Variants in ABCA10 observed in about 807,000 individuals in gnomAD.
The protein encoded by ABCA10 is ATP-binding cassette sub-family A member 10.
ABCA10 carries 169 observed loss-of-function variants against 187.5 expected under a neutral mutation model. The ratio of observed to expected loss-of-function variants is 0.90; its 90% CI spans 0.80 to 1.02. The LOEUF (loss-of-function observed/expected upper bound fraction) is 1.02, where lower values mean the gene tolerates loss of function less well. ABCA10 is among the 50% of genes least tolerant of loss of function. ABCA10 has a pLI of 0.00. For synonymous variants in ABCA10, 574 were observed against 601.8 expected (o/e 0.95, Z 0.68); for missense variants, 1,727 against 1,812.4 (o/e 0.95, Z 0.86).
At chr17:69,189,102 C>T (rs2074441985) in intron 18 of ABCA10, among the ~76,000 whole-genome samples, 1 of 152,174 alleles carries the variant, frequency 6.6e-6, no homozygotes, top group Admixed American at 6.6e-5. Flanking sequence ...TTTGAGAAAT[C>T]TCTAGACTGC....
chr17:69,221,327 C>T (rs2074746033), intron 5 of ABCA10, among the ~76,000 whole-genome samples: 1 of 152,140 alleles, frequency 6.6e-6, no homozygotes, highest in Admixed American at 6.5e-5. Flanking sequence ...CAAAGGAGGA[C>T]AACCCTTTCA....
chr17:69,183,505 A>T (rs1051687084), intron 20 of ABCA10, among the ~76,000 whole-genome samples: 2 of 152,168 alleles, frequency 1.3e-5, no homozygotes, highest in Non-Finnish European at 2.9e-5. Flanking sequence ...GGCGGCTTGC[A>T]GCTGCAGGCT....
chr17:69,237,265 T>C (rs377269169), intron 1 of ABCA10, among the ~76,000 whole-genome samples: 1 of 152,228 alleles, frequency 6.6e-6, no homozygotes. Context: ...ATGTATACTT[T>C]TGTACATTCC....
chr17:69,222,443 T>C (rs1489198516), intron 4 of ABCA10, 90 bp downstream of exon 4: 10 of 1,053,128 alleles, frequency 9.5e-6, no homozygotes, highest in Non-Finnish European at 1.2e-5. Flanking sequence ...AATTCTTTAC[T>C]TGGTTGTATT....
At position 69,152,426 on chromosome 17, in the gene ABCA10, G is replaced by T. The variant is rs373802436; in HGVS notation, c.4192C>A (p.His1398Asn). 1.2e-6 allele frequency: 2 copies of T among 1,614,024 alleles called. No homozygotes were observed. The highest frequency in any genetic ancestry group is 1.7e-6 in the Non-Finnish European group (2 of 1,179,938). The change falls in exon 35 of 39, where the codon CAT (histidine) becomes AAT (asparagine). Residue 1398 changes from histidine to asparagine, a missense_variant. Physicochemically the swap from His to Asn is moderately conservative, Grantham distance 68. Transcript: ENST00000690296. The stretch of plus-strand genomic sequence containing the variant: ...ACAGCCTCAGCCTCTGACATGTAAT[G>T]GGTGGTCAAGAGGGTGCCCCTCTCC... ...NKERGTLLTT[H>N]YMSEAEAVCD...
At chr17:69,201,789 TATAA>T in intron 9 of ABCA10, 121 bp from the exon 10 acceptor site, 1 of 918,578 alleles carries the variant, frequency 1.1e-6, no homozygotes, top group African/African-American at 1.7e-5. Context: ...CATTTATATT[TATAA>T]TTTTTTTTTT....
At chr17:69,210,290 C>T (rs1356025404) in intron 9 of ABCA10, among the ~76,000 whole-genome samples, 4 of 145,742 alleles carry the variant, frequency 2.7e-5, no homozygotes, top group South Asian at 2.2e-4. Flanking sequence ...CCCGGGTTCA[C>T]GCCATTCTCC....
At chr17:69,243,904 G>A (rs962816876) in intron 1 of ABCA10, among the ~76,000 whole-genome samples, 2 of 152,062 alleles carry the variant, frequency 1.3e-5, no homozygotes, top group African/African-American at 2.4e-5. Context: ...TCTCAAAAAC[G>A]AAAGAAACAC....
At chr17:69,151,218 G>C in intron 36 of ABCA10, among the ~76,000 whole-genome samples, 1 of 152,092 alleles carries the variant, frequency 6.6e-6, no homozygotes, top group East Asian at 1.9e-4. Flanking sequence ...CTTGACCTAA[G>C]TTCTTTAAAT....
chr17:69,235,389 G>A (rs2074861229), intron 1 of ABCA10, among the ~76,000 whole-genome samples: 1 of 152,172 alleles, frequency 6.6e-6, no homozygotes, highest in Non-Finnish European at 1.5e-5. Flanking sequence ...CCTTCTTTAA[G>A]TTTGTTGAAT....
rs2144844466 is a variant in ABCA10, at chr17:69,219,572, A to C, written c.503T>G (p.Val168Gly). 6.2e-7 allele frequency: 1 copy of C among 1,605,598 alleles called. No individual in the cohort carries two copies. Among genetic ancestry groups the C allele is most frequent in the Non-Finnish European group, 8.5e-7 (1 of 1,176,128 alleles). Reference protein sequence around the residue: ...ERGKFKKLMTVMGLRESAFWL... With the variant: ...ERGKFKKLMTGMGLRESAFWL... Reference sequence around the variant, plus strand: ...GAATGCTGACTCTCGGAGACCCATCACTGTCATCAGTTTCTTAAATTTTCC... The same window carrying C: ...GAATGCTGACTCTCGGAGACCCATCCCTGTCATCAGTTTCTTAAATTTTCC... Residue 168 changes from valine to glycine, a missense_variant, in exon 6 of 39, where the codon GTG (valine) becomes GGG (glycine). Transcript: ENST00000690296.
chr17:69,229,305 G>A (rs538464228), upstream of ABCA10, among the ~76,000 whole-genome samples: 1 of 152,136 alleles, frequency 6.6e-6, no homozygotes, highest in Admixed American at 6.6e-5. Flanking sequence ...CAACAGATGA[G>A]TCCAGAATAG....
At chr17:69,164,881 T>C (rs1334428932) in intron 26 of ABCA10, 83 bp downstream of exon 26, 3 of 1,448,924 alleles carry the variant, frequency 2.1e-6, no homozygotes, top group Non-Finnish European at 2.8e-6. Flanking sequence ...ATTTTATAAA[T>C]GCACCTGTTC....
intron 27 of ABCA10, among the ~76,000 whole-genome samples, chr17:69,163,704 A>T (rs2144765769): frequency 6.6e-6 from 1 of 152,254 alleles, no homozygotes; most frequent in Non-Finnish European, 1.5e-5. Flanking sequence ...CCCCACTATA[A>T]AATTTCATTT....
chr17:69,153,111 G>T (rs919785903), intron 34 of ABCA10, among the ~76,000 whole-genome samples, 194 bp downstream of exon 34: 1 of 152,102 alleles, frequency 6.6e-6, no homozygotes, highest in African/African-American at 2.4e-5. Flanking sequence ...GTTTATTTGG[G>T]TCTTAAAATA....
Position 69,221,902 on chromosome 17 carries a change from G to C in ABCA10, c.200-7C>G, listed in dbSNP as rs749282850. On this transcript the variant is annotated splice_polypyrimidine_tract_variant and splice_region_variant and intron_variant, in intron 4 of 38. Coordinates refer to ENST00000690296, the MANE Select transcript of ABCA10 (RefSeq NM_001377321.1). ...TGCATGGCCCAACAGTGTTCTTTAA[G>C]GAAGAAGAAAAACATGTCCATAGTT... The C allele has an allele frequency of 3.1e-6, 5 of 1,589,956 alleles. No homozygotes were observed. Among genetic ancestry groups the C allele is most frequent in the African/African-American group, 1.4e-5 (1 of 73,666 alleles).
intron 30 of ABCA10, 67 bp from the exon 31 acceptor site, chr17:69,154,393 GTT>G (rs2144754239): frequency 9.1e-7 from 1 of 1,102,738 alleles, no homozygotes; most frequent in Admixed American, 2.5e-5. Context: ...TGCTTGGTTG[GTT>G]GCATAACATT....
At chr17:69,243,217 T>C (rs1239209801) in intron 1 of ABCA10, among the ~76,000 whole-genome samples, 5 of 152,214 alleles carry the variant, frequency 3.3e-5, no homozygotes, top group Non-Finnish European at 5.9e-5. Context: ...TTCTGATTAG[T>C]GTACTGATAC....
chr17:69,175,954 C>G (rs1282130385), intron 22 of ABCA10, among the ~76,000 whole-genome samples: 1 of 152,112 alleles, frequency 6.6e-6, no homozygotes, highest in Non-Finnish European at 1.5e-5. Flanking sequence ...TTTCATCATG[C>G]TACTCAGAAC....
Sources: gnomAD v4.1 joint callset for allele counts (sites outside exome capture counted in the v4.1 genomes callset) on GRCh38, gnomAD v4.1.1 for gene constraint, MANE v1.5 for transcripts, NCBI Gene and HGNC (gene_info 2026-07-23, HGNC 2026-07-21) for gene names.